The following SSH1 variants were observed in gnomAD, a reference collection of about 807,000 sequenced individuals.
SSH1 encodes protein phosphatase Slingshot homolog 1.
SSH1 carries 43 observed loss-of-function variants against 79.7 expected under a neutral mutation model. The ratio of observed to expected loss-of-function variants is 0.54; its 90% CI spans 0.42 to 0.70. SSH1 has a LOEUF of 0.70. Among genes scored for constraint, SSH1 ranks in the 30% least tolerant of loss-of-function variants. The pLI is 0.00. For synonymous variants in SSH1, 599 were observed against 538.3 expected, an observed-to-expected ratio of 1.11 and a Z score of -1.56; for missense variants, 1,206 against 1,358.8, an observed-to-expected ratio of 0.89 and a Z score of 1.77.
chr12:108,855,540 C>G (rs1185741336), intron 1 of SSH1, among the ~76,000 whole-genome samples: 1 of 152,182 alleles, frequency 6.6e-6, no homozygotes, highest in Non-Finnish European at 1.5e-5. Context: ...AAGACAAGAA[C>G]AGATTAGGTT....
In SSH1 at chr12:108,804,210, T is replaced by C. The variant is rs190043636; in HGVS notation, c.954+846A>G. Among the ~76,000 whole-genome samples, 971 of 152,370 alleles carry C rather than the reference T, an allele frequency of 6.4e-3. 4 individuals are homozygous for C. The highest frequency in any genetic ancestry group is 0.011 in the Non-Finnish European group (750 of 68,034). On this transcript the variant is annotated intron_variant, in intron 10 of 14. Transcript: ENST00000326495. Reference sequence around the variant, plus strand: ...AGCTGGGACTACAGGCATAAGCCACTGTGCCCAGTTTGTATTTCATTTAAT... The same window carrying C: ...AGCTGGGACTACAGGCATAAGCCACCGTGCCCAGTTTGTATTTCATTTAAT...
At chr12:108,812,211 G>A (rs1593065398) in intron 5 of SSH1, among the ~76,000 whole-genome samples, 2 of 152,258 alleles carry the variant, frequency 1.3e-5, no homozygotes, top group South Asian at 2.1e-4. Context: ...AGGTCCCTCC[G>A]TGCCATCCTA....
At chr12:108,805,293 G>A (rs987718997) in intron 9 of SSH1, 109 bp from the exon 10 acceptor site, 1 of 1,265,624 alleles carries the variant, frequency 7.9e-7, no homozygotes, top group East Asian at 2.4e-5. Flanking sequence ...AAAAAGGTGG[G>A]TGTTTTTTCT....
chr12:108,814,843 T>A (rs889970149), intron 5 of SSH1, among the ~76,000 whole-genome samples: 2 of 151,008 alleles, frequency 1.3e-5, no homozygotes, highest in African/African-American at 4.9e-5. Flanking sequence ...GAGGAGAGGG[T>A]GGGAAGGAAG....
rs1346433467 is a variant in SSH1, at chr12:108,778,254, A to C, written c.*9734T>G. 6.6e-6 allele frequency: 1 copy of C among 152,228 alleles called. No individual in the cohort carries two copies. Among genetic ancestry groups the C allele is most frequent in the Non-Finnish European group, 1.5e-5 (1 of 68,052 alleles). The allele number at this position is 152,228 out of a possible 1,614,324, so 9.4% of individuals were successfully genotyped here. A position where few individuals can be genotyped will look rare whatever the true frequency, so the allele number is the denominator to read the frequency against. The stretch of plus-strand genomic sequence containing the variant: ...TAAGTACTTGCCCACAAGTTAAACA[A>C]ACGCACGCATAAGTCCACAGGGGCT... On this transcript the variant is annotated 3_prime_UTR_variant, in exon 15 of 15. Coordinates refer to ENST00000326495, the MANE Select transcript of SSH1 (RefSeq NM_018984.4).
chr12:108,855,389 T>C (rs1193703768), intron 1 of SSH1, among the ~76,000 whole-genome samples: 2 of 152,196 alleles, frequency 1.3e-5, no homozygotes, highest in African/African-American at 2.4e-5. Context: ...GGTTCCTATT[T>C]TGGGGAGGAT....
intron 1 of SSH1, among the ~76,000 whole-genome samples, chr12:108,854,826 G>C (rs572584166): frequency 6.6e-6 from 1 of 152,290 alleles, no homozygotes; most frequent in South Asian, 2.1e-4. Context: ...ACTCAAGCGA[G>C]GGCGGACCAG....
intron 2 of SSH1, among the ~76,000 whole-genome samples, chr12:108,852,169 G>A (rs1024024156): frequency 1.3e-5 from 2 of 151,664 alleles, no homozygotes; most frequent in South Asian, 2.1e-4. Flanking sequence ...ACATATGTAT[G>A]GATTTTAAAG....
chr12:108,801,068 C>G lies in SSH1; in HGVS notation c.1002-142G>C. 5.1e-6 allele frequency: 4 copies of G among 791,148 alleles called. No homozygotes were observed. The South Asian group carries it at 6.9e-5, about 14-fold the overall frequency. The allele number at this position is 791,148 out of a possible 1,614,324, so 49.0% of individuals were successfully genotyped here. On this transcript the variant is annotated intron_variant, in intron 11 of 14. Coordinates refer to ENST00000326495, the MANE Select transcript of SSH1 (RefSeq NM_018984.4). The stretch of plus-strand genomic sequence containing the variant: ...GTTCGTGGCGGGACTTTGGTTTTTC[C>G]TTAATAGCTATGTTTTTTGGTATTT...
At chr12:108,815,383 C>T (rs2037836786) in intron 5 of SSH1, among the ~76,000 whole-genome samples, 1 of 152,198 alleles carries the variant, frequency 6.6e-6, no homozygotes, top group Non-Finnish European at 1.5e-5. Context: ...CCACACTGCT[C>T]CCACGGTTAG....
intron 2 of SSH1, chr12:108,836,946 C>G (rs1474651121): frequency 1.9e-6 from 1 of 529,754 alleles, no homozygotes; most frequent in African/African-American, 1.9e-5. Flanking sequence ...ATGTCCAGGT[C>G]ATGGTCGACC....
At chr12:108,831,962 C>A (rs910713868) in intron 2 of SSH1, among the ~76,000 whole-genome samples, 1 of 152,276 alleles carries the variant, frequency 6.6e-6, no homozygotes, top group Admixed American at 6.5e-5. Flanking sequence ...ATCACAAATT[C>A]TCAGCACCTG....
chr12:108,790,006 C>T (rs149525518), intron 14 of SSH1, among the ~76,000 whole-genome samples: 61 of 152,120 alleles, frequency 4.0e-4, no homozygotes, highest in Middle Eastern at 3.4e-3. Flanking sequence ...CTCTGTCTCT[C>T]AACACCTCCT....
chr12:108,789,187 C>A lies in SSH1; in HGVS notation c.1951G>T (p.Asp651Tyr), dbSNP rs769862547. ...KVKPSYKSCADCMYPTASGAP... is the reference protein window; with the variant it reads ...KVKPSYKSCAYCMYPTASGAP... Reference sequence around the variant, plus strand: ...CCGCTGGCTGTAGGGTACATGCAGTCGGCACAGGATTTATAGGAAGGCTTC... The same window carrying A: ...CCGCTGGCTGTAGGGTACATGCAGTAGGCACAGGATTTATAGGAAGGCTTC... The change falls in exon 15 of 15, where the codon GAC (aspartate) becomes TAC (tyrosine). Residue 651 changes from aspartate to tyrosine, a missense_variant. By Grantham distance (160) the Asp-to-Tyr change is radical. Around this residue, in one of 5 missense-constraint regions of SSH1, gnomAD observed 709 missense variants for 730.6 expected, o/e 0.97. Coordinates refer to ENST00000326495, the MANE Select transcript of SSH1 (RefSeq NM_018984.4). The A allele has an allele frequency of 3.7e-6, 6 of 1,609,172 alleles. No homozygotes were observed. In the African/African-American group the frequency reaches 6.7e-5, roughly 18 times the overall value.
rs370169583 is a variant in SSH1 at position 108,852,691 on chromosome 12, A to G, written c.70-13T>C. 6.2e-7 allele frequency: 1 copy of G among 1,614,148 alleles called. No homozygotes were observed. Among genetic ancestry groups the G allele is most frequent in the Non-Finnish European group, 8.5e-7 (1 of 1,180,044 alleles). On this transcript the variant is annotated splice_polypyrimidine_tract_variant and intron_variant, in intron 1 of 14. Transcript: ENST00000326495. ...TGCCAGCCTCCAACTACAGAGAAAG[A>G]AAGAGAATATCACACCACAGGCACC...
intron 2 of SSH1, among the ~76,000 whole-genome samples, chr12:108,841,245 C>T (rs1325324328): frequency 6.6e-6 from 1 of 152,216 alleles, no homozygotes; most frequent in Non-Finnish European, 1.5e-5. Context: ...TACCTACGAG[C>T]TGAGCTTGCA....
Position 108,788,464 on chromosome 12 carries a change from C to T in SSH1, c.2674G>A (p.Gly892Arg). The T allele has an allele frequency of 6.4e-7, 1 of 1,561,826 alleles. No homozygotes were observed. The highest frequency in any genetic ancestry group is 8.6e-7 in the Non-Finnish European group (1 of 1,156,488). ...KSEAAPASLEGGSLKSPPPFF... is the reference protein window; with the variant it reads ...KSEAAPASLERGSLKSPPPFF... Reference sequence around the variant, plus strand: ...GGAGGGGGGCTCTTCAGTGAGCCTCCTTCCAATGAAGCGGGGGCGGCCTCT... The same window carrying T: ...GGAGGGGGGCTCTTCAGTGAGCCTCTTTCCAATGAAGCGGGGGCGGCCTCT... Residue 892 changes from glycine (G) to arginine (R), a missense_variant, in exon 15 of 15, where the codon GGA (glycine) becomes AGA (arginine). Coordinates refer to ENST00000326495, the MANE Select transcript of SSH1 (RefSeq NM_018984.4).
intron 7 of SSH1, among the ~76,000 whole-genome samples, chr12:108,808,821 C>CTTTTTTT (rs148110288): frequency 1.0e-4 from 8 of 80,274 alleles, no homozygotes; most frequent in Non-Finnish European, 1.2e-4. Flanking sequence ...TCTTTTACTT[C>CTTTTTTT]TTTTTTTTTT....
chr12:108,827,499 A>G, intron 2 of SSH1: 1 of 1,293,376 alleles, frequency 7.7e-7, no homozygotes, highest in South Asian at 2.8e-5. Context: ...CTACCCGAAA[A>G]GCAAATGGCT....
Sources: allele counts gnomAD v4.1 joint callset (sites outside exome capture counted in the v4.1 genomes callset), GRCh38; gene constraint gnomAD v4.1.1; regional missense constraint gnomAD v4.1.1; transcripts MANE v1.5; gene names NCBI Gene and HGNC (gene_info 2026-07-23, HGNC 2026-07-21).